The following CCSER1 variants were observed in gnomAD, a reference collection of about 807,000 sequenced individuals.
CCSER1 encodes coiled-coil serine rich protein 1, also known as serine-rich coiled-coil domain-containing protein 1.
A neutral mutation model predicts 82.0 loss-of-function variants in CCSER1; 41 were observed. That is an observed-to-expected ratio of 0.50 (90% CI 0.39 to 0.65). The LOEUF is 0.65. CCSER1 is among the 30% of genes least tolerant of loss of function. CCSER1 has a pLI of 0.00. For synonymous variants in CCSER1, 414 were observed against 383.9 expected, an observed-to-expected ratio of 1.08 and a Z score of -0.92; for missense variants, 1,119 against 1,064.2, an observed-to-expected ratio of 1.05 and a Z score of -0.72.
At chr4:91,150,244 G>A (rs1204194768) in intron 10 of CCSER1, among the ~76,000 whole-genome samples, 2 of 152,132 alleles carry the variant, frequency 1.3e-5, no homozygotes, top group Admixed American at 6.5e-5. Context: ...TGAAGAAATT[G>A]TGATTGAGAG....
At chr4:90,777,649 A>G (rs1008349565) in intron 7 of CCSER1, among the ~76,000 whole-genome samples, 1 of 152,140 alleles carries the variant, frequency 6.6e-6, no homozygotes, top group Non-Finnish European at 1.5e-5. Context: ...TACAATATAG[A>G]TATTAATATC....
intron 1 of CCSER1, among the ~76,000 whole-genome samples, chr4:90,284,795 G>A (rs1426869644): frequency 6.6e-6 from 1 of 151,798 alleles, no homozygotes; most frequent in Non-Finnish European, 1.5e-5. Context: ...GCCTGGCCTT[G>A]AGTTGATTTT....
chr4:90,540,604 A>T (rs1237724241), intron 5 of CCSER1, among the ~76,000 whole-genome samples: 1 of 152,114 alleles, frequency 6.6e-6, no homozygotes, highest in Non-Finnish European at 1.5e-5. Flanking sequence ...CATGGAGAAG[A>T]GACCAAAGAA....
chr4:91,000,698 G>A (rs1222892874), intron 9 of CCSER1, among the ~76,000 whole-genome samples: 1 of 151,904 alleles, frequency 6.6e-6, no homozygotes, highest in Non-Finnish European at 1.5e-5. Context: ...TTTGTAAATG[G>A]GATTGTGTTC....
intron 7 of CCSER1, among the ~76,000 whole-genome samples, chr4:90,725,714 G>A (rs935107126): frequency 2.6e-5 from 4 of 151,556 alleles, no homozygotes; most frequent in African/African-American, 9.7e-5. Flanking sequence ...AAAATATACA[G>A]AACTATTTTG....
At position 91,208,066 on chromosome 4, in the gene CCSER1, T is replaced by G. The variant is rs115521539; in HGVS notation, c.2217+122072T>G. On this transcript the variant is annotated intron_variant, in intron 10 of 10. Coordinates refer to ENST00000509176, the MANE Select transcript of CCSER1 (RefSeq NM_001145065.2). Reference sequence around the variant, plus strand: ...CTGTTCATGTCCTCTGTTCACTATTTAATGGGGTTGTGTGTTTTTTGCTTA... The same window carrying G: ...CTGTTCATGTCCTCTGTTCACTATTGAATGGGGTTGTGTGTTTTTTGCTTA... 6.9e-3 allele frequency among the ~76,000 whole-genome samples: 1,055 copies of G among 152,140 alleles called. 11 individuals are homozygous for G. Among genetic ancestry groups the G allele is most frequent in the African/African-American group, 0.024 (987 of 41,530 alleles).
At chr4:90,502,426 C>T (rs1770034144) in intron 5 of CCSER1, among the ~76,000 whole-genome samples, 1 of 152,168 alleles carries the variant, frequency 6.6e-6, no homozygotes, top group Non-Finnish European at 1.5e-5. Flanking sequence ...CCAGGTCCTT[C>T]CCTTAACATT....
At chr4:91,257,890 A>G (rs1392585197) in intron 10 of CCSER1, among the ~76,000 whole-genome samples, 1 of 152,122 alleles carries the variant, frequency 6.6e-6, no homozygotes, top group Non-Finnish European at 1.5e-5. Flanking sequence ...TTATTGAGCT[A>G]TAACTTTACT....
intron 10 of CCSER1, among the ~76,000 whole-genome samples, chr4:91,171,233 C>T (rs1223603568): frequency 6.6e-6 from 1 of 152,112 alleles, no homozygotes; most frequent in Non-Finnish European, 1.5e-5. Flanking sequence ...TCCTCTTTTC[C>T]TCTGACAGGA....
chr4:90,551,702 C>CTATA (rs1279660129), intron 5 of CCSER1, among the ~76,000 whole-genome samples: 47 of 113,994 alleles, frequency 4.1e-4, no homozygotes, highest in Admixed American at 1.6e-3. Context: ...CTCTCTCTCT[C>CTATA]TCTCTATATA....
Position 90,484,759 on chromosome 4 carries a change from G to A in CCSER1, c.1724+16405G>A, listed in dbSNP as rs928735126. On this transcript the variant is annotated intron_variant, in intron 5 of 10. Coordinates refer to ENST00000509176, the MANE Select transcript of CCSER1 (RefSeq NM_001145065.2). ...TTTTGTCTCAGAGGAGTACCTGGCC[G>A]GCTGTGTGATATGTCAATCTGCCCC... Among the ~76,000 whole-genome samples the A allele has an allele frequency of 6.6e-5, 10 of 152,150 alleles. No homozygotes were observed. In the South Asian group the frequency reaches 8.3e-4, roughly 13 times the overall value.
intron 4 of CCSER1, among the ~76,000 whole-genome samples, chr4:90,424,326 TC>T (rs765066641): frequency 6.4e-4 from 97 of 152,248 alleles, no homozygotes; most frequent in Non-Finnish European, 7.8e-4. Context: ...TGCCTTCAGA[TC>T]TTGTCCATAT....
intron 10 of CCSER1, among the ~76,000 whole-genome samples, chr4:91,097,057 C>T (rs931169734): frequency 1.3e-5 from 2 of 152,156 alleles, no homozygotes; most frequent in African/African-American, 4.8e-5. Flanking sequence ...AGTGCCAGGT[C>T]CTTCCCAGTG....
chr4:91,582,751 T>A (rs951358727), intron 10 of CCSER1, among the ~76,000 whole-genome samples: 1 of 151,436 alleles, frequency 6.6e-6, no homozygotes, highest in African/African-American at 2.4e-5. Flanking sequence ...CAATCTATCA[T>A]CTCTGATGGG....
At chr4:90,441,590 C>G (rs887629052) in intron 4 of CCSER1, among the ~76,000 whole-genome samples, 1 of 152,128 alleles carries the variant, frequency 6.6e-6, no homozygotes, top group South Asian at 2.1e-4. Flanking sequence ...GGGGTTAACA[C>G]TTCAACATAA....
chr4:90,622,057 T>C (rs1722417368), intron 5 of CCSER1, among the ~76,000 whole-genome samples: 1 of 152,238 alleles, frequency 6.6e-6, no homozygotes, highest in South Asian at 2.1e-4. Context: ...AATGTGGTTG[T>C]AAGTTATTTA....
chr4:90,751,686 A>G (rs554128060), intron 7 of CCSER1, among the ~76,000 whole-genome samples: 71 of 152,198 alleles, frequency 4.7e-4, no homozygotes, highest in Non-Finnish European at 7.2e-4. Flanking sequence ...GTTACATAAC[A>G]TATTCATTTT....
chr4:91,593,878 AAAT>A (rs1382479813), intron 10 of CCSER1, among the ~76,000 whole-genome samples: 3 of 152,292 alleles, frequency 2.0e-5, no homozygotes, highest in African/African-American at 7.2e-5. Flanking sequence ...GTGGTGTATT[AAAT>A]AATAATATGT....
chr4:90,556,325 G>A (rs1464461762), intron 5 of CCSER1, among the ~76,000 whole-genome samples: 1 of 152,082 alleles, frequency 6.6e-6, no homozygotes, highest in Non-Finnish European at 1.5e-5. Context: ...GAAGAATAAA[G>A]TATTAAACAA....
Sources: allele counts gnomAD v4.1 joint callset (sites outside exome capture counted in the v4.1 genomes callset), GRCh38; gene constraint gnomAD v4.1.1; transcripts MANE v1.5; gene names NCBI Gene and HGNC (gene_info 2026-07-23, HGNC 2026-07-21).